The following CALN1 variants were observed in gnomAD, a reference collection of about 807,000 sequenced individuals.
The protein encoded by CALN1 is calneuron 1, also known as calcium-binding protein 8.
CALN1 carries 17 observed loss-of-function variants against 30.6 expected under a neutral mutation model. The ratio of observed to expected loss-of-function variants is 0.56; its 90% CI spans 0.38 to 0.83. CALN1 has a LOEUF of 0.83. Ranked by LOEUF, CALN1 falls within the 40% of genes least tolerant of loss-of-function variation. The pLI is 0.00. For synonymous variants in CALN1, 156 were observed against 131.4 expected (o/e 1.19, Z -1.28); for missense variants, 291 against 354.9 (o/e 0.82, Z 1.45).
intron 2 of CALN1, among the ~76,000 whole-genome samples, chr7:72,360,750 CAG>C (rs532371091): frequency 1.6e-3 from 240 of 150,690 alleles, no homozygotes; most frequent in South Asian, 4.7e-3. Context: ...AATTTTGAGA[CAG>C]AGTCTCCCCT....
chr7:71,825,009 G>A (rs1788829079), intron 5 of CALN1, among the ~76,000 whole-genome samples: 2 of 152,186 alleles, frequency 1.3e-5, no homozygotes, highest in East Asian at 1.9e-4. Context: ...CAGGCCAAGC[G>A]AGGTCAGTAG....
intron 2 of CALN1, among the ~76,000 whole-genome samples, chr7:72,402,608 A>G (rs1806417965): frequency 1.3e-5 from 2 of 152,248 alleles, no homozygotes; most frequent in East Asian, 3.8e-4. Context: ...GAGTTTGTAT[A>G]GCCATGAGGG....
intron 2 of CALN1, among the ~76,000 whole-genome samples, chr7:72,371,420 A>G: frequency 6.6e-6 from 1 of 152,138 alleles, no homozygotes; most frequent in East Asian, 1.9e-4. Flanking sequence ...ACTTACCCTC[A>G]TGCTGTTCCC....
intron 3 of CALN1, among the ~76,000 whole-genome samples, chr7:72,180,393 A>G (rs1469054740): frequency 7.9e-5 from 12 of 151,564 alleles, no homozygotes; most frequent in Admixed American, 7.9e-4. Flanking sequence ...CTTTCATCTC[A>G]TGGTTTCTTT....
In CALN1 at chr7:71,988,126, G is replaced by A. The variant is rs369762783; in HGVS notation, c.501+35531C>T. On this transcript the variant is annotated intron_variant, in intron 5 of 6. Coordinates refer to ENST00000395275, the MANE Select transcript of CALN1 (RefSeq NM_031468.4). ...CATCATCATCACCACCATCATTGTC[G>A]TCATCACAGCAGACACTGATACAGT... Among the ~76,000 whole-genome samples the A allele has an allele frequency of 2.6e-5, 4 of 152,120 alleles. No homozygotes were observed. In the South Asian group the frequency reaches 6.2e-4, roughly 24 times the overall value.
chr7:71,969,472 C>A (rs940377426), intron 5 of CALN1, among the ~76,000 whole-genome samples: 23 of 152,106 alleles, frequency 1.5e-4, no homozygotes, highest in South Asian at 4.1e-4. Context: ...TACATACATA[C>A]ATAAATAAAT....
At chr7:72,406,456 G>A (rs866917570) in intron 1 of CALN1, among the ~76,000 whole-genome samples, 6 of 152,162 alleles carry the variant, frequency 3.9e-5, no homozygotes, top group South Asian at 2.1e-4. Flanking sequence ...GATTCCTAAG[G>A]GTGATTAATT....
chr7:72,087,071 C>T (rs1351434086), intron 4 of CALN1, among the ~76,000 whole-genome samples: 1 of 152,170 alleles, frequency 6.6e-6, no homozygotes, highest in Admixed American at 6.5e-5. Context: ...TAATGTCCAT[C>T]TCAGACAACA....
In CALN1 at chr7:72,043,261, C is replaced by T. The variant is rs552464163; in HGVS notation, c.389-19492G>A. 3.3e-5 allele frequency among the ~76,000 whole-genome samples: 5 copies of T among 152,274 alleles called. No individual in the cohort carries two copies. In the South Asian group the frequency reaches 1.0e-3, roughly 32 times the overall value. ...GTTCCTGAACTACCTTATCCTCACACAGCTGGTCAAAGTAAAACAAAGGTC... is the reference window on the plus strand; with the variant it reads ...GTTCCTGAACTACCTTATCCTCACATAGCTGGTCAAAGTAAAACAAAGGTC... On this transcript the variant is annotated intron_variant, in intron 4 of 6. Transcript: ENST00000395275.
chr7:72,446,165 AC>A (rs944698855), intron 1 of CALN1, among the ~76,000 whole-genome samples: 3 of 152,256 alleles, frequency 2.0e-5, no homozygotes, highest in Middle Eastern at 3.4e-3. Context: ...TGTCAAGCTG[AC>A]GGAAAGGAAA....
At chr7:72,165,742 G>A (rs1393547943) in intron 3 of CALN1, among the ~76,000 whole-genome samples, 1 of 151,970 alleles carries the variant, frequency 6.6e-6, no homozygotes, top group East Asian at 1.9e-4. Flanking sequence ...CTTAAGCCAT[G>A]AGGGCTGTCT....
At chr7:71,806,438 C>A (rs1215426229) in intron 6 of CALN1, among the ~76,000 whole-genome samples, 2 of 152,018 alleles carry the variant, frequency 1.3e-5, no homozygotes, top group African/African-American at 2.4e-5. Context: ...TCCCGAGTAG[C>A]TGGGATTCCA....
intron 5 of CALN1, among the ~76,000 whole-genome samples, chr7:72,010,078 T>C (rs1799986623): frequency 6.6e-6 from 1 of 152,184 alleles, no homozygotes; most frequent in African/African-American, 2.4e-5. Flanking sequence ...GACAAAGTCA[T>C]TGCAGGGATA....
At chr7:72,237,172 C>T (rs542117706) in intron 3 of CALN1, among the ~76,000 whole-genome samples, 8 of 151,910 alleles carry the variant, frequency 5.3e-5, no homozygotes, top group South Asian at 2.1e-4. Context: ...TTAGTAGAGA[C>T]GGCGTTTCAC....
chr7:72,070,748 A>C (rs1038900023), intron 4 of CALN1, among the ~76,000 whole-genome samples: 3 of 151,778 alleles, frequency 2.0e-5, no homozygotes, highest in Non-Finnish European at 4.4e-5. Context: ...ATAGATTTTA[A>C]TCTCGTCCCC....
chr7:72,456,476 T>C, the CALN1 span, among the ~76,000 whole-genome samples: 72 of 152,182 alleles, frequency 4.7e-4, no homozygotes, highest in African/African-American at 1.6e-3. Context: ...AGTTCAAGAC[T>C]GCAGTGAACT....
chr7:71,946,460 G>A (rs932946042), intron 5 of CALN1, among the ~76,000 whole-genome samples: 6 of 149,602 alleles, frequency 4.0e-5, no homozygotes, highest in South Asian at 2.1e-4. Flanking sequence ...CTTGACCTCC[G>A]GGGCTCAAGT....
chr7:72,037,631 G>A (rs1304181858), intron 4 of CALN1, among the ~76,000 whole-genome samples: 1 of 152,160 alleles, frequency 6.6e-6, no homozygotes, highest in African/African-American at 2.4e-5. Context: ...GATATTTCGA[G>A]GACAGGATGT....
intron 4 of CALN1, 25 bp downstream of exon 4, chr7:72,106,126 G>A: frequency 1.2e-6 from 2 of 1,611,028 alleles, no homozygotes; most frequent in African/African-American, 1.3e-5. Context: ...TGTCTCAGGG[G>A]AGAAGCTGCT....
Sources: allele counts gnomAD v4.1 joint callset (sites outside exome capture counted in the v4.1 genomes callset), GRCh38; gene constraint gnomAD v4.1.1; transcripts MANE v1.5; gene names NCBI Gene and HGNC (gene_info 2026-07-23, HGNC 2026-07-21).